PCDH9: variants seen among roughly 807,000 people sequenced by gnomAD.
PCDH9 encodes protocadherin 9.
In PCDH9, 24 loss-of-function variants were observed where a neutral mutation model predicts 70.6. The ratio of observed to expected loss-of-function variants is 0.34; its 90% confidence interval spans 0.25 to 0.48. The LOEUF (loss-of-function observed/expected upper bound fraction) is 0.48. Ranked by LOEUF, PCDH9 falls within the 20% of genes least tolerant of loss-of-function variation. PCDH9 has a pLI of 0.99. For missense variants in PCDH9, 1,281 were observed against 1,503.6 expected, an observed-to-expected ratio of 0.85 and a Z score of 2.45; for synonymous variants, 562 against 558.5, an observed-to-expected ratio of 1.01 and a Z score of -0.09.
In PCDH9 at chr13:66,903,491, A is replaced by G. The variant is rs919794926; in HGVS notation, c.3138+13T>C. The stretch of plus-strand genomic sequence containing the variant: ...ATCAGTACTAACATGTTCTCTATAG[A>G]TATATGGCATACCTCGTAATGGCTT... On this transcript the variant is annotated intron_variant, in intron 3 of 4. Transcript: ENST00000377865. 2 of 1,142,680 alleles carry G rather than the reference A, an allele frequency of 1.8e-6. No homozygotes were observed. Among genetic ancestry groups the G allele is most frequent in the African/African-American group, 3.1e-5 (2 of 64,948 alleles). The allele number at this position is 1,142,680 out of a possible 1,614,324, so 70.8% of individuals were successfully genotyped here. A position where few individuals can be genotyped will look rare whatever the true frequency, so the allele number is the denominator to read the frequency against.
intron 4 of PCDH9, among the ~76,000 whole-genome samples, chr13:66,482,998 G>T (rs979997722): frequency 6.6e-6 from 1 of 152,082 alleles, no homozygotes; most frequent in Non-Finnish European, 1.5e-5. Flanking sequence ...AAGCCCCACC[G>T]TGCTTTGCTT....
At chr13:66,635,198 C>T (rs1368008320) in intron 3 of PCDH9, among the ~76,000 whole-genome samples, 2 of 152,084 alleles carry the variant, frequency 1.3e-5, no homozygotes, top group Non-Finnish European at 2.9e-5. Flanking sequence ...TTTTGTTTTC[C>T]TAAATCTATT....
At chr13:66,737,828 C>A (rs1403885967) in intron 3 of PCDH9, among the ~76,000 whole-genome samples, 4 of 152,008 alleles carry the variant, frequency 2.6e-5, no homozygotes, top group Admixed American at 2.0e-4. Flanking sequence ...TATCCCACAC[C>A]TGGCTCGGAG....
intron 3 of PCDH9, among the ~76,000 whole-genome samples, chr13:66,824,651 GATATATATATATATATATATAT>G (rs67211029): frequency 9.5e-4 from 94 of 99,074 alleles, no homozygotes; most frequent in Middle Eastern, 9.3e-3. Flanking sequence ...GCGAAACTCT[GATATATATATATATATATATAT>G]ATATATATAT....
chr13:66,304,995 G>A lies in PCDH9; in HGVS notation c.3374C>T (p.Ala1125Val), dbSNP rs1226634747. The A allele has an allele frequency of 6.2e-7, 1 of 1,612,240 alleles. No individual in the cohort carries two copies. The highest frequency in any genetic ancestry group is 8.5e-7 in the Non-Finnish European group (1 of 1,178,920). ...GPLGPRGLAE[A>V]TEMCTQECLV... ...GCACTCTTGAGTGCACATCTCTGTA[G>A]CTTCAGCTAATCCTCGGGGACCCAA... The change falls in exon 5 of 5, where the codon GCT becomes GTT. Residue 1125 changes from alanine (A) to valine (V), a missense_variant. By Grantham distance (64) the Ala-to-Val change is moderately conservative. This residue lies in a region of PCDH9 where 264 missense variants were observed against 278.8 expected (regional missense o/e 0.95). Coordinates refer to ENST00000377865, the MANE Select transcript of PCDH9 (RefSeq NM_203487.3).
chr13:66,925,340 C>T (rs557159674), intron 2 of PCDH9, among the ~76,000 whole-genome samples: 1 of 151,908 alleles, frequency 6.6e-6, no homozygotes, highest in East Asian at 1.9e-4. Flanking sequence ...TTTGGCTTAC[C>T]GTATCTATAA....
At chr13:67,023,616 C>A (rs897995659) in intron 2 of PCDH9, among the ~76,000 whole-genome samples, 1 of 152,112 alleles carries the variant, frequency 6.6e-6, no homozygotes, top group Non-Finnish European at 1.5e-5. Flanking sequence ...AAAGACTGGA[C>A]AAATAAATGA....
At chr13:66,858,048 G>T (rs1340385542) in intron 3 of PCDH9, among the ~76,000 whole-genome samples, 1 of 152,042 alleles carries the variant, frequency 6.6e-6, no homozygotes, top group African/African-American at 2.4e-5. Flanking sequence ...CATCAAATTA[G>T]TTAATGTGCC....
chr13:66,419,763 GTTTT>G (rs35437080), intron 4 of PCDH9, among the ~76,000 whole-genome samples: 1 of 142,300 alleles, frequency 7.0e-6, no homozygotes, highest in Non-Finnish European at 1.5e-5. Flanking sequence ...AGCTGCAGGA[GTTTT>G]TTTTTTTTTT....
intron 2 of PCDH9, among the ~76,000 whole-genome samples, chr13:66,950,964 C>CA (rs34846833): frequency 3.3e-4 from 49 of 150,276 alleles, no homozygotes; most frequent in Non-Finnish European, 6.7e-4. Context: ...GGCTTATAAG[C>CA]AAAAAAAAAA....
intron 2 of PCDH9, among the ~76,000 whole-genome samples, chr13:67,099,569 T>G (rs963218091): frequency 6.6e-6 from 1 of 152,142 alleles, no homozygotes; most frequent in Admixed American, 6.5e-5. Context: ...AAATGGAGAA[T>G]ATTGTGTTTT....
chr13:66,314,297 GT>G (rs1955613160), intron 4 of PCDH9, among the ~76,000 whole-genome samples: 1 of 152,178 alleles, frequency 6.6e-6, no homozygotes, highest in Non-Finnish European at 1.5e-5. Context: ...TCACTGGAGA[GT>G]TTTAAGCACA....
intron 4 of PCDH9, among the ~76,000 whole-genome samples, chr13:66,391,012 T>C (rs548734066): frequency 6.6e-6 from 1 of 152,266 alleles, no homozygotes; most frequent in South Asian, 2.1e-4. Flanking sequence ...TTTTCAGTCC[T>C]TTTAGAAAAT....
chr13:67,074,182 G>A (rs2085830958), intron 2 of PCDH9, among the ~76,000 whole-genome samples: 1 of 151,774 alleles, frequency 6.6e-6, no homozygotes, highest in Non-Finnish European at 1.5e-5. Context: ...TTCATATGTT[G>A]AAATTCTTCC....
At chr13:67,012,867 C>T (rs539499816) in intron 2 of PCDH9, among the ~76,000 whole-genome samples, 4 of 152,030 alleles carry the variant, frequency 2.6e-5, no homozygotes, top group East Asian at 1.9e-4. Flanking sequence ...TCAATTGTAG[C>T]GGACCTAAGT....
At chr13:66,367,889 C>A (rs75039596) in intron 4 of PCDH9, among the ~76,000 whole-genome samples, 1 of 152,150 alleles carries the variant, frequency 6.6e-6, no homozygotes, top group Non-Finnish European at 1.5e-5. Context: ...AAAAAGATAC[C>A]TTCCATATGT....
At position 67,226,144 on chromosome 13, in the gene PCDH9, G is replaced by A. The variant is rs1237931468; in HGVS notation, c.2297C>T (p.Thr766Met). ...SDLGYPKSLHTLVLVFLYVND... is the reference protein window; with the variant it reads ...SDLGYPKSLHMLVLVFLYVND... The stretch of plus-strand genomic sequence containing the variant: ...AACATAAAGGAATACAAGCACAAGC[G>A]TGTGCAAAGACTTAGGGTACCCCAG... Residue 766 changes from threonine to methionine, a missense_variant, in exon 2 of 5, where the codon ACG (threonine) becomes ATG (methionine). Physicochemically the swap from Thr to Met is moderately conservative, Grantham distance 81. Coordinates refer to ENST00000377865, the MANE Select transcript of PCDH9 (RefSeq NM_203487.3). The surrounding 1 kb of genome is among the most constrained non-coding windows in gnomAD (Gnocchi z 5.0). 7 of 1,614,154 alleles carry A rather than the reference G, an allele frequency of 4.3e-6. No homozygotes were observed. Among genetic ancestry groups the A allele is most frequent in the Middle Eastern group, 1.6e-4 (1 of 6,062 alleles).
chr13:66,491,028 G>GATAT (rs1453970399), intron 4 of PCDH9, among the ~76,000 whole-genome samples: 3 of 152,106 alleles, frequency 2.0e-5, no homozygotes, highest in Non-Finnish European at 4.4e-5. Flanking sequence ...CACTTTGATT[G>GATAT]ATATATACAT....
chr13:66,328,930 T>C (rs1955894077), intron 4 of PCDH9, among the ~76,000 whole-genome samples: 1 of 152,212 alleles, frequency 6.6e-6, no homozygotes, highest in Admixed American at 6.6e-5. Flanking sequence ...GTCTCTGAAC[T>C]ACAGTTAATA....
Sources: allele counts gnomAD v4.1 joint callset (sites outside exome capture counted in the v4.1 genomes callset), GRCh38; gene constraint gnomAD v4.1.1; regional missense constraint gnomAD v4.1.1; non-coding constraint Gnocchi (gnomAD v3.1); transcripts MANE v1.5; gene names NCBI Gene and HGNC (gene_info 2026-07-23, HGNC 2026-07-21).